Variants in ATG10 observed in about 807,000 individuals in gnomAD.
The protein encoded by ATG10 is ubiquitin-like-conjugating enzyme ATG10.
ATG10 carries 30 observed loss-of-function variants against 32.1 expected under a neutral mutation model. The ratio of observed to expected loss-of-function variants is 0.94; its 90% CI spans 0.70 to 1.27. The LOEUF is 1.27. Ranked by LOEUF, ATG10 falls within the 50% of genes most tolerant of loss-of-function variation. The pLI is 0.00. For missense variants in ATG10, 233 were observed against 262.3 expected (o/e 0.89, Z 0.77); for synonymous variants, 87 against 91.5 (o/e 0.95, Z 0.28).
rs374272857 is a variant in ATG10, at chr5:82,061,009, A to G, written c.216+2407A>G. ...TTTATCTCTTCAAAGAGTGAAACCT[A>G]TAACTCTTTTCTCTCACTCCCTTGA... On this transcript the variant is annotated intron_variant, in intron 3 of 7. Transcript: ENST00000282185. 4.5e-4 allele frequency among the ~76,000 whole-genome samples: 69 copies of G among 152,326 alleles called. No homozygotes were observed. The South Asian group carries it at 5.6e-3, about 12-fold the overall frequency.
chr5:82,014,842 T>C (rs1281694224), intron 2 of ATG10, among the ~76,000 whole-genome samples: 1 of 152,212 alleles, frequency 6.6e-6, no homozygotes, highest in South Asian at 2.1e-4. Context: ...AGGTTAATAC[T>C]GTTATGTGTG....
intron 4 of ATG10, among the ~76,000 whole-genome samples, chr5:82,165,634 G>A (rs1389295035): frequency 1.3e-5 from 2 of 152,170 alleles, no homozygotes; most frequent in Non-Finnish European, 2.9e-5. Context: ...GACACTGATA[G>A]TTCACTAATT....
intron 3 of ATG10, among the ~76,000 whole-genome samples, chr5:82,072,319 A>T (rs1764154853): frequency 6.6e-6 from 1 of 151,834 alleles, no homozygotes; most frequent in Admixed American, 6.6e-5. Flanking sequence ...TGTTGCAGGG[A>T]TTGTTTGGTA....
At position 82,136,202 on chromosome 5, in the gene ATG10, T is replaced by C. The variant is rs934183831; in HGVS notation, c.217-28197T>C. Among the ~76,000 whole-genome samples the C allele has an allele frequency of 5.3e-5, 8 of 152,324 alleles. No individual in the cohort carries two copies. The East Asian group carries it at 1.3e-3, about 26-fold the overall frequency. On this transcript the variant is annotated intron_variant, in intron 3 of 7. Transcript: ENST00000282185. The stretch of plus-strand genomic sequence containing the variant: ...CAATTTACCAGTCTGTGTCTTTTAA[T>C]TGGGGGCATTTAGCTCATTTAGATT...
chr5:82,112,223 C>T lies in ATG10; in HGVS notation c.217-52176C>T, dbSNP rs1255350089. 2.6e-5 allele frequency among the ~76,000 whole-genome samples: 4 copies of T among 151,880 alleles called. No homozygotes were observed. In the South Asian group the frequency reaches 6.2e-4, roughly 24 times the overall value. ...AGAAAGATGTCCACTGCATCTTTCTCCTCTTTATCATGCATAGCCCAGAAC... is the reference window on the plus strand; with the variant it reads ...AGAAAGATGTCCACTGCATCTTTCTTCTCTTTATCATGCATAGCCCAGAAC... On this transcript the variant is annotated intron_variant, in intron 3 of 7. Coordinates refer to ENST00000282185, the MANE Select transcript of ATG10 (RefSeq NM_031482.5).
intron 3 of ATG10, among the ~76,000 whole-genome samples, chr5:82,157,091 G>A (rs868228058): frequency 9.2e-5 from 14 of 152,018 alleles, no homozygotes; most frequent in Admixed American, 7.2e-4. Context: ...CTCCTGCCTC[G>A]CCCTTGAGCA....
chr5:82,041,632 A>G (rs1419653256), intron 2 of ATG10, among the ~76,000 whole-genome samples: 1 of 152,198 alleles, frequency 6.6e-6, no homozygotes, highest in Non-Finnish European at 1.5e-5. Flanking sequence ...TTTTATGAAT[A>G]CTTATTACAA....
chr5:82,250,216 C>T (rs1047985406), intron 5 of ATG10, among the ~76,000 whole-genome samples: 1 of 152,178 alleles, frequency 6.6e-6, no homozygotes, highest in Non-Finnish European at 1.5e-5. Flanking sequence ...ATTTTCTATG[C>T]TCATTTCCCC....
intron 3 of ATG10, among the ~76,000 whole-genome samples, chr5:82,139,675 T>C (rs1294230890): frequency 7.4e-5 from 10 of 135,080 alleles, no homozygotes; most frequent in Non-Finnish European, 1.1e-4. Flanking sequence ...GTGAGGAGCG[T>C]CTCCGCCCGG....
At chr5:82,242,559 A>G (rs1228374831) in intron 5 of ATG10, among the ~76,000 whole-genome samples, 1 of 152,094 alleles carries the variant, frequency 6.6e-6, no homozygotes, top group Non-Finnish European at 1.5e-5. Context: ...AGAAATCCAC[A>G]CCTATGCACA....
At chr5:81,991,812 T>C (rs1327284055) in intron 2 of ATG10, among the ~76,000 whole-genome samples, 1 of 151,862 alleles carries the variant, frequency 6.6e-6, no homozygotes, top group Non-Finnish European at 1.5e-5. Flanking sequence ...AAAAAAAACT[T>C]ATCTATACCT....
chr5:82,204,692 GA>G (rs1745214000), intron 5 of ATG10, among the ~76,000 whole-genome samples: 1 of 152,152 alleles, frequency 6.6e-6, no homozygotes, highest in Non-Finnish European at 1.5e-5. Context: ...AATGATACTA[GA>G]GATAAAAAGA....
intron 3 of ATG10, among the ~76,000 whole-genome samples, chr5:82,142,833 G>A (rs1358593967): frequency 2.0e-5 from 3 of 152,290 alleles, no homozygotes; most frequent in East Asian, 1.9e-4. Context: ...ATTTAATTTG[G>A]TGATAAATAT....
intron 3 of ATG10, among the ~76,000 whole-genome samples, chr5:82,121,942 T>G (rs1455799577): frequency 8.1e-6 from 1 of 123,918 alleles, no homozygotes; most frequent in South Asian, 3.0e-4. Context: ...TGGCCTGAAG[T>G]TTTTTTTTTT....
At chr5:82,177,623 T>C (rs981301144) in intron 4 of ATG10, among the ~76,000 whole-genome samples, 6 of 152,142 alleles carry the variant, frequency 3.9e-5, no homozygotes, top group African/African-American at 1.4e-4. Context: ...AGGTGACTTC[T>C]TCTTTCTGCT....
At chr5:82,130,260 T>TG (rs1351731126) in intron 3 of ATG10, among the ~76,000 whole-genome samples, 1 of 152,162 alleles carries the variant, frequency 6.6e-6, no homozygotes, top group African/African-American at 2.4e-5. Context: ...TTCAGGCCAG[T>TG]GGATCTTAGC....
intron 3 of ATG10, among the ~76,000 whole-genome samples, chr5:82,146,560 C>T (rs896036994): frequency 2.0e-5 from 3 of 150,522 alleles, no homozygotes; most frequent in African/African-American, 7.3e-5. Flanking sequence ...GTCTATATGT[C>T]TGATGTTCTG....
chr5:82,088,106 C>T (rs1186241938), intron 3 of ATG10, among the ~76,000 whole-genome samples: 1 of 152,058 alleles, frequency 6.6e-6, no homozygotes, highest in African/African-American at 2.4e-5. Flanking sequence ...ACTCACTTTC[C>T]CAGAGCTAAC....
intron 1 of ATG10, among the ~76,000 whole-genome samples, chr5:81,987,262 A>AC (rs2149666712): frequency 6.6e-6 from 1 of 152,244 alleles, no homozygotes; most frequent in East Asian, 1.9e-4. Context: ...AGATGAGACG[A>AC]CAGGTGCACA....
Sources: gnomAD v4.1 joint callset for allele counts (sites outside exome capture counted in the v4.1 genomes callset) on GRCh38, gnomAD v4.1.1 for gene constraint, MANE v1.5 for transcripts, NCBI Gene and HGNC (gene_info 2026-07-23, HGNC 2026-07-21) for gene names.